ZBTB7C: variants seen among roughly 807,000 people sequenced by gnomAD.
The protein encoded by ZBTB7C is zinc finger and BTB domain containing 7C.
Under a neutral mutation model 25.7 loss-of-function variants are expected in ZBTB7C, and 8 were observed. The observed-to-expected ratio is 0.31, with a 90% CI of 0.18 to 0.56. ZBTB7C has a LOEUF of 0.56. Among genes scored for constraint, ZBTB7C ranks in the 20% least tolerant of loss-of-function variants. ZBTB7C has a pLI of 0.91. For synonymous variants in ZBTB7C, 394 were observed against 369.0 expected (o/e 1.07, Z -0.78); for missense variants, 824 against 855.2 (o/e 0.96, Z 0.46).
intron 3 of ZBTB7C, among the ~76,000 whole-genome samples, chr18:48,173,875 C>T (rs1338149517): frequency 1.3e-5 from 2 of 152,232 alleles, no homozygotes; most frequent in Admixed American, 6.5e-5. Context: ...TCCATCACTA[C>T]AGGGCAGACA....
chr18:48,080,566 G>A (rs1167462341), intron 3 of ZBTB7C, among the ~76,000 whole-genome samples: 4 of 152,310 alleles, frequency 2.6e-5, no homozygotes, highest in East Asian at 1.9e-4. Context: ...GTGGGCCTCT[G>A]TTTCTGCATC....
chr18:48,255,288 A>G (rs565794973), intron 2 of ZBTB7C, among the ~76,000 whole-genome samples: 9 of 152,226 alleles, frequency 5.9e-5, no homozygotes, highest in African/African-American at 2.2e-4. Flanking sequence ...TGAAAAAGGT[A>G]TTATAACTGT....
intron 3 of ZBTB7C, among the ~76,000 whole-genome samples, chr18:48,173,169 T>G (rs2041549892): frequency 5.3e-5 from 8 of 152,230 alleles, no homozygotes; most frequent in Admixed American, 1.3e-4. Flanking sequence ...TTTGAACAGT[T>G]CTGCTGTTAG....
At chr18:48,309,628 A>C (rs1044893097) in intron 2 of ZBTB7C, among the ~76,000 whole-genome samples, 1 of 152,276 alleles carries the variant, frequency 6.6e-6, no homozygotes, top group African/African-American at 2.4e-5. Context: ...CATGTCTACT[A>C]TCCCCATAGC....
At chr18:48,194,680 G>A (rs917163718) in intron 2 of ZBTB7C, among the ~76,000 whole-genome samples, 3 of 152,186 alleles carry the variant, frequency 2.0e-5, no homozygotes, top group Non-Finnish European at 4.4e-5. Flanking sequence ...AGGGCAGTGA[G>A]TTACCAGGTC....
chr18:48,233,362 A>C (rs1223578350), intron 2 of ZBTB7C, among the ~76,000 whole-genome samples: 2 of 152,226 alleles, frequency 1.3e-5, no homozygotes, highest in Admixed American at 6.5e-5. Context: ...TTTCTTTATA[A>C]TGTATCCAGT....
chr18:48,368,513 G>A lies in ZBTB7C; in HGVS notation c.-303-30115C>T, dbSNP rs967588079. Among the ~76,000 whole-genome samples the A allele has an allele frequency of 5.9e-5, 9 of 152,212 alleles. No individual in the cohort carries two copies. The East Asian group carries it at 1.7e-3, about 29-fold the overall frequency. The stretch of plus-strand genomic sequence containing the variant: ...GAGTCTCAGAAGAAAAGGAGAAAAC[G>A]GGTAGAGCTGAAAAGGTGCTCAATA... On this transcript the variant is annotated intron_variant, in intron 1 of 4. Transcript: ENST00000590800.
intron 2 of ZBTB7C, among the ~76,000 whole-genome samples, chr18:48,235,609 T>C (rs2043358757): frequency 6.6e-6 from 1 of 152,226 alleles, no homozygotes; most frequent in Non-Finnish European, 1.5e-5. Flanking sequence ...AGTTTCCTTC[T>C]TTCTTAAATA....
intron 1 of ZBTB7C, among the ~76,000 whole-genome samples, chr18:48,395,166 G>C (rs1314335181): frequency 6.6e-6 from 1 of 152,044 alleles, no homozygotes; most frequent in Non-Finnish European, 1.5e-5. Context: ...TATAATATTA[G>C]TGATAGTCAA....
At chr18:48,045,894 T>A (rs567425144) in intron 3 of ZBTB7C, among the ~76,000 whole-genome samples, 1 of 152,228 alleles carries the variant, frequency 6.6e-6, no homozygotes, top group East Asian at 1.9e-4. Context: ...GTGAGGATGC[T>A]CAAGCAGCCC....
chr18:48,257,985 G>A (rs570824074), intron 2 of ZBTB7C, among the ~76,000 whole-genome samples: 1 of 152,266 alleles, frequency 6.6e-6, no homozygotes, highest in East Asian at 1.9e-4. Flanking sequence ...AGTGAGCTAT[G>A]ATTGCACCAC....
chr18:48,233,655 C>T (rs1275761508), intron 2 of ZBTB7C, among the ~76,000 whole-genome samples: 1 of 152,214 alleles, frequency 6.6e-6, no homozygotes, highest in African/African-American at 2.4e-5. Context: ...ACAACATAAG[C>T]CAAATCGACA....
At chr18:48,222,317 C>T (rs1230004086) in intron 2 of ZBTB7C, among the ~76,000 whole-genome samples, 2 of 152,200 alleles carry the variant, frequency 1.3e-5, no homozygotes, top group East Asian at 3.8e-4. Context: ...TCCCTGCTCT[C>T]CACCAGCTGC....
intron 3 of ZBTB7C, among the ~76,000 whole-genome samples, chr18:48,046,507 A>C (rs1030924603): frequency 2.0e-5 from 3 of 152,232 alleles, no homozygotes; most frequent in African/African-American, 7.2e-5. Context: ...CTCTATGGAG[A>C]GCCAAGTTTT....
intron 2 of ZBTB7C, among the ~76,000 whole-genome samples, chr18:48,275,034 A>C (rs561466713): frequency 6.6e-6 from 1 of 151,568 alleles, no homozygotes; most frequent in African/African-American, 2.4e-5. Context: ...CTTGAAGCCA[A>C]AGTTATTTTT....
chr18:48,075,138 C>T (rs1018346309), intron 3 of ZBTB7C, among the ~76,000 whole-genome samples: 3 of 152,170 alleles, frequency 2.0e-5, no homozygotes, highest in African/African-American at 7.2e-5. Flanking sequence ...TCAACTCTGC[C>T]TCCCCCACCC....
At chr18:48,253,066 A>G (rs2043915052) in intron 2 of ZBTB7C, among the ~76,000 whole-genome samples, 1 of 152,186 alleles carries the variant, frequency 6.6e-6, no homozygotes, top group African/African-American at 2.4e-5. Flanking sequence ...TGGACTTAAC[A>G]GCAGTGCAAA....
chr18:48,069,194 C>G (rs962337188), intron 3 of ZBTB7C, among the ~76,000 whole-genome samples: 5 of 152,240 alleles, frequency 3.3e-5, no homozygotes, highest in African/African-American at 9.6e-5. Context: ...CCCACAGTCA[C>G]TGGGCCCACC....
Position 48,195,865 on chromosome 18 carries a change from TTTC to T in ZBTB7C, c.-78-9873_-78-9871del, listed in dbSNP as rs1261787479. On this transcript the variant is annotated intron_variant, in intron 2 of 4. Transcript: ENST00000590800. ...TTCAACTTAGTTTTCATAGAAATAT[TTTC>T]TTCTTTTTTTTTGCAACAGTATTTA... Among the ~76,000 whole-genome samples, 7 of 152,200 alleles carry T rather than the reference TTTC, an allele frequency of 4.6e-5. No homozygotes were observed. In the East Asian group the frequency reaches 7.7e-4, roughly 17 times the overall value.
Sources: allele counts gnomAD v4.1 joint callset (sites outside exome capture counted in the v4.1 genomes callset), GRCh38; gene constraint gnomAD v4.1.1; transcripts MANE v1.5; gene names NCBI Gene and HGNC (gene_info 2026-07-23, HGNC 2026-07-21).